Variants in CCDC102B observed in about 807,000 individuals in gnomAD.
CCDC102B encodes coiled-coil domain-containing protein 102B.
CCDC102B carries 75 observed loss-of-function variants against 57.4 expected under a neutral mutation model. The observed-to-expected ratio is 1.31, with a 90% CI of 1.08 to 1.58. The LOEUF (loss-of-function observed/expected upper bound fraction) is 1.58, where lower values mean the gene tolerates loss of function less well. CCDC102B is among the 40% of genes most tolerant of loss of function. The pLI, the probability that CCDC102B is intolerant of heterozygous loss-of-function variation, is 0.00. For synonymous variants in CCDC102B, 206 were observed against 201.9 expected, an observed-to-expected ratio of 1.02 and a Z score of -0.17; for missense variants, 636 against 582.6, an observed-to-expected ratio of 1.09 and a Z score of -0.94.
At chr18:68,877,598 C>T (rs1438442476) in intron 5 of CCDC102B, among the ~76,000 whole-genome samples, 1 of 152,260 alleles carries the variant, frequency 6.6e-6, no homozygotes, top group Non-Finnish European at 1.5e-5. Flanking sequence ...CAATCCAAAA[C>T]TGCTTTGCTA....
chr18:68,917,700 A>C (rs567486737), intron 6 of CCDC102B, among the ~76,000 whole-genome samples: 1 of 152,288 alleles, frequency 6.6e-6, no homozygotes, highest in South Asian at 2.1e-4. Context: ...ATCAATCCCC[A>C]ATATCAAATA....
chr18:68,916,918 G>A (rs1043027638), intron 6 of CCDC102B, among the ~76,000 whole-genome samples: 11 of 152,226 alleles, frequency 7.2e-5, no homozygotes, highest in Non-Finnish European at 1.5e-4. Flanking sequence ...GCCCTGTGTG[G>A]CTGGAGAGAG....
chr18:69,046,640 T>C (rs1324746764), intron 7 of CCDC102B, among the ~76,000 whole-genome samples: 2 of 152,212 alleles, frequency 1.3e-5, no homozygotes, highest in Admixed American at 6.6e-5. Flanking sequence ...GTAATTGCTT[T>C]TGGCATCTTT....
intron 6 of CCDC102B, among the ~76,000 whole-genome samples, chr18:68,952,265 C>A (rs1045190942): frequency 1.8e-4 from 28 of 151,758 alleles, no homozygotes; most frequent in Admixed American, 1.8e-3. Context: ...ATTGTATACC[C>A]CTCTTCAAAA....
At chr18:69,041,612 G>A (rs987138585) in intron 7 of CCDC102B, among the ~76,000 whole-genome samples, 42 of 152,006 alleles carry the variant, frequency 2.8e-4, no homozygotes, top group African/African-American at 7.5e-4. Context: ...GTTGTTACAT[G>A]CCTGGAGTCT....
intron 6 of CCDC102B, among the ~76,000 whole-genome samples, chr18:68,986,887 G>A (rs2050739048): frequency 6.6e-6 from 1 of 152,110 alleles, no homozygotes; most frequent in Non-Finnish European, 1.5e-5. Flanking sequence ...ATCTCTATGA[G>A]GGGAACTACA....
rs188766161 is a variant in CCDC102B, at chr18:69,020,612, G to A, written c.1434+9508G>A. ...TTAGGTTGGTGTAAAAGTAATTGCC[G>A]TTTTTGCTATTTCCATGGCAAAAAC... On this transcript the variant is annotated intron_variant, in intron 7 of 7. Transcript: ENST00000360242. Among the ~76,000 whole-genome samples the A allele has an allele frequency of 1.6e-4, 24 of 152,096 alleles. 1 individual carries two copies. Among genetic ancestry groups the A allele is most frequent in the Admixed American group, 6.6e-4 (10 of 15,256 alleles).
intron 7 of CCDC102B, among the ~76,000 whole-genome samples, chr18:69,034,672 T>C (rs575792026): frequency 6.6e-6 from 1 of 151,762 alleles, no homozygotes; most frequent in Non-Finnish European, 1.5e-5. Context: ...TTTATTCCTT[T>C]GTAAAATTGT....
chr18:68,945,122 C>CCACACACACACACACACACA lies in CCDC102B; in HGVS notation c.1263+47702_1263+47721dup, dbSNP rs34611934. 1.2e-3 allele frequency among the ~76,000 whole-genome samples: 177 copies of CCACACACACACACACACACA among 144,042 alleles called. 1 individual carries two copies. The highest frequency in any genetic ancestry group is 3.9e-3 in the African/African-American group (152 of 38,860). 94.5% of individuals were successfully genotyped at this position (144,042 alleles called of 152,430 possible). ...TCTCTCTCTCTCTGTCTCTCTCTCT[C>CCACACACACACACACACACA]CACACACACACACACACACACACAC... is the stretch of plus-strand genomic sequence containing the variant. On this transcript the variant is annotated intron_variant, in intron 6 of 7. Transcript: ENST00000360242.
rs77593387 is a variant in CCDC102B at position 68,725,345 on chromosome 18, T to C, written c.-67+8751T>C. 3.7e-3 allele frequency among the ~76,000 whole-genome samples: 562 copies of C among 152,314 alleles called. 2 individuals are homozygous for C. Among genetic ancestry groups the C allele is most frequent in the African/African-American group, 0.012 (497 of 41,572 alleles). On this transcript the variant is annotated intron_variant, in intron 2 of 3. Coordinates refer to the CCDC102B transcript ENST00000578970. ...GCAACACGAATTTATTATGTCCCAG[T>C]TCAGTAGATTAGAAATCCAGTACAT...
At chr18:69,011,902 A>C (rs1265450947) in intron 7 of CCDC102B, among the ~76,000 whole-genome samples, 1 of 152,172 alleles carries the variant, frequency 6.6e-6, no homozygotes, top group African/African-American at 2.4e-5. Context: ...CCATGGAGTA[A>C]TTTAATAATC....
chr18:68,761,837 T>A (rs1345122238), intron 2 of CCDC102B, among the ~76,000 whole-genome samples: 1 of 152,144 alleles, frequency 6.6e-6, no homozygotes, highest in Non-Finnish European at 1.5e-5. Context: ...TTTTGACTTA[T>A]TTTTAAAATC....
At chr18:69,006,713 G>T (rs11873046) in intron 6 of CCDC102B, among the ~76,000 whole-genome samples, 10 of 151,880 alleles carry the variant, frequency 6.6e-5, no homozygotes, top group African/African-American at 2.4e-4. Flanking sequence ...AAAGCTCTGG[G>T]ATTACAGGCG....
In CCDC102B at chr18:68,733,507, T is replaced by TATATATATATATATATA. The variant is rs1491296876; in HGVS notation, c.-67+16913_-67+16914insATATATATATATATATA. Among the ~76,000 whole-genome samples, 78 of 76,036 alleles carry TATATATATATATATATA rather than the reference T, an allele frequency of 1.0e-3. 3 individuals carry two copies. Among genetic ancestry groups the TATATATATATATATATA allele is most frequent in the African/African-American group, 1.4e-3 (24 of 16,986 alleles). The allele number at this position is 76,036 out of a possible 152,430, so 49.9% of individuals were successfully genotyped here. A position where few individuals can be genotyped will look rare whatever the true frequency, so the allele number is the denominator to read the frequency against. On this transcript the variant is annotated intron_variant, in intron 2 of 3. Transcript: ENST00000578970. ...ATATATATATATATATATATATATATTTTTTTAACTTAAGCATGCTTTAAG... is the reference window on the plus strand; with the variant it reads ...ATATATATATATATATATATATATATATATATATATATATATATTTTTTAACTTAAGCATGCTTTAAG...
At chr18:68,726,736 C>A (rs965460211) in intron 2 of CCDC102B, among the ~76,000 whole-genome samples, 23 of 152,138 alleles carry the variant, frequency 1.5e-4, no homozygotes, top group African/African-American at 5.1e-4. Flanking sequence ...TCTGGTGAGG[C>A]AGATCTAGAT....
chr18:68,865,856 A>T (rs1410752644), intron 4 of CCDC102B, among the ~76,000 whole-genome samples: 1 of 152,234 alleles, frequency 6.6e-6, no homozygotes, highest in African/African-American at 2.4e-5. Flanking sequence ...AATTACAAAT[A>T]AATTTTGATA....
intron 7 of CCDC102B, among the ~76,000 whole-genome samples, chr18:69,043,614 C>T (rs2052487456): frequency 6.6e-6 from 1 of 152,130 alleles, no homozygotes; most frequent in Non-Finnish European, 1.5e-5. Flanking sequence ...TTTAACAAAG[C>T]ACATCTTGCA....
intron 6 of CCDC102B, among the ~76,000 whole-genome samples, chr18:68,959,774 C>G (rs2049999870): frequency 6.6e-6 from 1 of 152,058 alleles, no homozygotes. Context: ...TTACCACTGT[C>G]CCCTGGCTCA....
intron 1 of CCDC102B, among the ~76,000 whole-genome samples, chr18:68,833,058 G>A (rs1317348050): frequency 1.3e-5 from 2 of 152,134 alleles, no homozygotes; most frequent in Non-Finnish European, 2.9e-5. Flanking sequence ...ATCCAAAGTG[G>A]AAGTATGCCA....
Sources: allele counts gnomAD v4.1 joint callset (sites outside exome capture counted in the v4.1 genomes callset), GRCh38; gene constraint gnomAD v4.1.1; transcripts MANE v1.5; gene names NCBI Gene and HGNC (gene_info 2026-07-23, HGNC 2026-07-21).